The following LINC00632 variants were observed in gnomAD, a reference collection of about 807,000 sequenced individuals.
The protein encoded by LINC00632 is long independently transcribed non-coding RNA 632, also known as ALDOA related specific transcript.
exon 5 of LINC00632, among the ~76,000 whole-genome samples, chrX:140,776,335 G>A (rs186690161): frequency 1.8e-5 from 2 of 112,833 alleles, no homozygotes; most frequent in East Asian, 5.6e-4. Flanking sequence ...AGAACCTGGC[G>A]CTAAACCATT....
chrX:140,710,732 G>T (rs1210261551), intron 1 of LINC00632, among the ~76,000 whole-genome samples: 1 of 110,992 alleles, frequency 9.0e-6, no homozygotes, highest in Admixed American at 9.7e-5. Context: ...TAGATAAATA[G>T]ATTTCGTTTT....
intron 3 of LINC00632, among the ~76,000 whole-genome samples, chrX:140,771,042 T>C (rs1205055539): frequency 1.8e-5 from 2 of 111,775 alleles, no homozygotes; most frequent in East Asian, 2.8e-4. Context: ...AAAAGACTAC[T>C]GGGAGAGAAC....
At chrX:140,756,300 A>C (rs1049179088) in intron 3 of LINC00632, among the ~76,000 whole-genome samples, 1 of 112,497 alleles carries the variant, frequency 8.9e-6, no homozygotes, top group African/African-American at 3.2e-5. Flanking sequence ...AAATGAATGA[A>C]ACTGGAAACC....
At chrX:140,784,454 C>T in exon 5 of LINC00632, 2 of 1,064,898 alleles carry the variant, frequency 1.9e-6, no homozygotes, top group Non-Finnish European at 2.6e-6. Flanking sequence ...CCTATATCTC[C>T]AGGTCTTCCA....
intron 3 of LINC00632, among the ~76,000 whole-genome samples, chrX:140,737,170 C>T (rs1170883077): frequency 1.8e-5 from 2 of 110,846 alleles, no homozygotes; most frequent in African/African-American, 6.6e-5. Flanking sequence ...AAAGTGCTGG[C>T]ATTACAAGCT....
At chrX:140,772,580 G>T (rs1931817620) in exon 4 of LINC00632, 2 of 265,059 alleles carry the variant, frequency 7.5e-6, no homozygotes, top group African/African-American at 5.6e-5. Flanking sequence ...CACAATGAAA[G>T]TTCTTTAAAT....
chrX:140,724,377 C>G (rs1029773391), intron 2 of LINC00632, among the ~76,000 whole-genome samples: 1 of 105,037 alleles, frequency 9.5e-6, no homozygotes, highest in Non-Finnish European at 2.0e-5. Context: ...CACACACACA[C>G]AGTCCATGCA....
intron 2 of LINC00632, among the ~76,000 whole-genome samples, chrX:140,716,802 CACACACACACACAG>C (rs1034843740): frequency 1.8e-5 from 2 of 109,418 alleles, no homozygotes; most frequent in Non-Finnish European, 3.8e-5. Flanking sequence ...CACACACACA[CACACACACACACAG>C]ACACACACAC....
intron 3 of LINC00632, among the ~76,000 whole-genome samples, chrX:140,738,247 G>A (rs1681577691): frequency 8.9e-6 from 1 of 111,854 alleles, no homozygotes; most frequent in Admixed American, 9.5e-5. Context: ...GAGAATACAC[G>A]TAAGAGTTGA....
exon 5 of LINC00632, among the ~76,000 whole-genome samples, chrX:140,778,629 A>G (rs988744179): frequency 1.8e-5 from 2 of 110,076 alleles, no homozygotes; most frequent in African/African-American, 6.6e-5. Context: ...AAAAAAAAAA[A>G]AAAAAAGAAC....
intron 3 of LINC00632, among the ~76,000 whole-genome samples, chrX:140,753,365 G>A (rs1355114803): frequency 2.7e-5 from 3 of 111,714 alleles, no homozygotes; most frequent in Non-Finnish European, 3.8e-5. Context: ...TTGTAACTTC[G>A]TGAAACATCT....
intron 3 of LINC00632, among the ~76,000 whole-genome samples, chrX:140,737,915 A>G (rs762221013): frequency 1.8e-5 from 2 of 112,207 alleles, no homozygotes; most frequent in South Asian, 7.4e-4. Flanking sequence ...TATTGTGAAT[A>G]GTGCTGCAAT....
intron 2 of LINC00632, among the ~76,000 whole-genome samples, chrX:140,732,407 C>T (rs1931073953): frequency 1.8e-5 from 2 of 111,129 alleles, no homozygotes; most frequent in Admixed American, 1.9e-4. Flanking sequence ...TAGATAATAC[C>T]TACCTAAACA....
chrX:140,765,466 T>C (rs771118464), intron 3 of LINC00632, among the ~76,000 whole-genome samples: 1 of 112,104 alleles, frequency 8.9e-6, no homozygotes, highest in Non-Finnish European at 1.9e-5. Context: ...CCTTCAATAA[T>C]TGAATTGAGT....
At chrX:140,756,076 A>C (rs1447221842) in intron 3 of LINC00632, among the ~76,000 whole-genome samples, 1 of 111,749 alleles carries the variant, frequency 8.9e-6, no homozygotes, top group Non-Finnish European at 1.9e-5. Flanking sequence ...TAGAACAATA[A>C]GTAACTAGGG....
At chrX:140,731,637 C>T (rs1931057156) in intron 2 of LINC00632, among the ~76,000 whole-genome samples, 1 of 111,579 alleles carries the variant, frequency 9.0e-6, no homozygotes, top group African/African-American at 3.3e-5. Flanking sequence ...GCACAGACAC[C>T]GACTCACACC....
chrX:140,751,909 G>A (rs1393755246), intron 3 of LINC00632, among the ~76,000 whole-genome samples: 1 of 111,488 alleles, frequency 9.0e-6, no homozygotes, highest in Non-Finnish European at 1.9e-5. Context: ...GAAGTTTTAG[G>A]AGGAACTTGG....
At chrX:140,726,633 T>C (rs1158311425) in intron 2 of LINC00632, among the ~76,000 whole-genome samples, 1 of 111,165 alleles carries the variant, frequency 9.0e-6, no homozygotes, top group African/African-American at 3.3e-5. Flanking sequence ...CAGAATTCCA[T>C]AACATCACGA....
At chrX:140,735,469 A>G (rs1374897742) in intron 3 of LINC00632, among the ~76,000 whole-genome samples, 2 of 112,148 alleles carry the variant, frequency 1.8e-5, no homozygotes, top group African/African-American at 6.5e-5. Flanking sequence ...GGCATTATTT[A>G]AAATTCATTA....
Sources: allele counts gnomAD v4.1 joint callset (sites outside exome capture counted in the v4.1 genomes callset), GRCh38; gene constraint gnomAD v4.1.1; transcripts MANE v1.5; gene names NCBI Gene and HGNC (gene_info 2026-07-23, HGNC 2026-07-21).